The following TNKS variants were observed in gnomAD, a reference collection of about 807,000 sequenced individuals.
The protein encoded by TNKS is tankyrase, also known as poly [ADP-ribose] polymerase tankyrase-1.
A neutral mutation model predicts 135.8 loss-of-function variants in TNKS; 72 were observed. The ratio of observed to expected loss-of-function variants is 0.53; its 90% CI spans 0.44 to 0.64. TNKS has a LOEUF of 0.64. Among genes scored for constraint, TNKS ranks in the 30% least tolerant of loss-of-function variants. The probability of loss-of-function intolerance (pLI) is 0.00; values close to 1 mark genes in which losing one functional copy is unlikely to be tolerated. For missense variants in TNKS, 1,769 were observed against 1,674.0 expected, an observed-to-expected ratio of 1.06 and a Z score of -0.99; for synonymous variants, 849 against 649.3, an observed-to-expected ratio of 1.31 and a Z score of -4.68.
chr8:9,602,396 G>A (rs1206369734), intron 2 of TNKS, among the ~76,000 whole-genome samples: 3 of 152,208 alleles, frequency 2.0e-5, no homozygotes, highest in Non-Finnish European at 4.4e-5. Flanking sequence ...GCCAGTAGAA[G>A]AGAGAGAGGC....
intron 26 of TNKS, 144 bp downstream of exon 26, chr8:9,770,406 T>C: frequency 2.1e-6 from 2 of 945,298 alleles, no homozygotes; most frequent in Non-Finnish European, 3.0e-6. Context: ...AAAATAAAGG[T>C]ATCAAAATAA....
Position 9,766,333 on chromosome 8 carries a change from A to G in TNKS, c.3648A>G (p.Glu1216=), listed in dbSNP as rs754305452. The G allele has an allele frequency of 2.5e-6, 4 of 1,613,968 alleles. No homozygotes were observed. The Admixed American group carries it at 6.7e-5, about 27-fold the overall frequency. Reference sequence around the variant, plus strand: ...TTGGGGCCGGGATTTATTTTGCTGAAAACTCCTCAAAAAGCAACCAATATG... The same window carrying G: ...TTGGGGCCGGGATTTATTTTGCTGAGAACTCCTCAAAAAGCAACCAATATG... The part of the protein sequence containing the change: ...GMFGAGIYFA[E]NSSKSNQYVY... Residue 1216 remains glutamate, a synonymous_variant, in exon 25 of 27, where the codon GAA becomes GAG. Transcript: ENST00000310430.
chr8:9,742,519 A>G (rs773785703), intron 17 of TNKS, among the ~76,000 whole-genome samples: 1 of 151,610 alleles, frequency 6.6e-6, no homozygotes, highest in Non-Finnish European at 1.5e-5. Context: ...TTAGTAACCA[A>G]TCAGTAACCA....
rs2128847975 is a variant in TNKS, at chr8:9,781,440, GA to G, written c.*4708del. On this transcript the variant is annotated 3_prime_UTR_variant, in exon 27 of 27. Transcript: ENST00000310430. ...TCCCAAAGTTCAGGATGAAAGGCTA[GA>G]AAACCCATTCAAAGTTAGGAAAGAA... 6.6e-6 allele frequency: 1 copy of G among 152,288 alleles called. No homozygotes were observed. Among genetic ancestry groups the G allele is most frequent in the South Asian group, 2.1e-4 (1 of 4,828 alleles). The allele number at this position is 152,288 out of a possible 1,614,324, so 9.4% of individuals were successfully genotyped here. A position where few individuals can be genotyped will look rare whatever the true frequency, so the allele number is the denominator to read the frequency against.
chr8:9,770,051 A>G, intron 25 of TNKS, 55 bp from the exon 26 acceptor site: 2 of 1,502,784 alleles, frequency 1.3e-6, no homozygotes, highest in African/African-American at 1.4e-5. Context: ...TAGCAGTTAT[A>G]TTATTGTAAG....
intron 26 of TNKS, among the ~76,000 whole-genome samples, chr8:9,773,148 ACTT>A (rs370339746): frequency 0.012 from 1,833 of 152,032 alleles, 35 homozygotes; most frequent in African/African-American, 0.041. Context: ...CAGTAATTAT[ACTT>A]CTTCTAGAAA....
chr8:9,591,969 G>A (rs1190307079), intron 2 of TNKS, among the ~76,000 whole-genome samples: 1 of 152,064 alleles, frequency 6.6e-6, no homozygotes, highest in African/African-American at 2.4e-5. Context: ...ACTTGCTTAG[G>A]ATATATTTTT....
chr8:9,577,299 A>C (rs1386965293), intron 1 of TNKS, among the ~76,000 whole-genome samples: 1 of 152,170 alleles, frequency 6.6e-6, no homozygotes, highest in Admixed American at 6.5e-5. Context: ...TGTACAAGGA[A>C]ATTTATTTTG....
intron 9 of TNKS, among the ~76,000 whole-genome samples, chr8:9,709,249 C>T (rs936097467): frequency 6.6e-6 from 1 of 152,170 alleles, no homozygotes; most frequent in Admixed American, 6.5e-5. Context: ...TATATGTACA[C>T]TTAAATACAT....
intron 3 of TNKS, among the ~76,000 whole-genome samples, chr8:9,660,567 G>T (rs1801654330): frequency 6.6e-6 from 1 of 152,136 alleles, no homozygotes; most frequent in African/African-American, 2.4e-5. Flanking sequence ...CATTAAATTA[G>T]GTATTGATGG....
intron 2 of TNKS, among the ~76,000 whole-genome samples, chr8:9,586,085 C>T (rs975246126): frequency 4.6e-5 from 7 of 152,090 alleles, no homozygotes; most frequent in African/African-American, 1.4e-4. Flanking sequence ...TTAGAAAGTA[C>T]ATGCTCATTA....
intron 3 of TNKS, among the ~76,000 whole-genome samples, chr8:9,647,333 C>T (rs563280671): frequency 6.6e-6 from 1 of 152,000 alleles, no homozygotes; most frequent in African/African-American, 2.4e-5. Flanking sequence ...GGATTTTGCC[C>T]CTTTTTGTTT....
chr8:9,712,156 A>G (rs1009321580), intron 11 of TNKS, among the ~76,000 whole-genome samples: 8 of 152,326 alleles, frequency 5.3e-5, no homozygotes, highest in African/African-American at 1.9e-4. Flanking sequence ...TGCAACTAAT[A>G]TAGCCATTCA....
At chr8:9,731,529 A>C (rs577414249) in intron 14 of TNKS, among the ~76,000 whole-genome samples, 1 of 149,956 alleles carries the variant, frequency 6.7e-6, no homozygotes, top group Non-Finnish European at 1.5e-5. Context: ...CTGTCAGCCC[A>C]CCTCCTGCTC....
chr8:9,645,267 T>C (rs955090342), intron 3 of TNKS, among the ~76,000 whole-genome samples: 2 of 152,078 alleles, frequency 1.3e-5, no homozygotes, highest in African/African-American at 4.8e-5. Flanking sequence ...GGAGAAGACA[T>C]GGTCTCTCCA....
intron 1 of TNKS, among the ~76,000 whole-genome samples, chr8:9,579,165 A>C (rs1798069945): frequency 6.6e-6 from 1 of 152,218 alleles, no homozygotes; most frequent in Non-Finnish European, 1.5e-5. Context: ...TACTTCTTAT[A>C]AAATTCTGGT....
At chr8:9,677,414 T>A (rs1199593208) in intron 3 of TNKS, among the ~76,000 whole-genome samples, 2 of 152,194 alleles carry the variant, frequency 1.3e-5, no homozygotes, top group African/African-American at 4.8e-5. Flanking sequence ...AGGGAGAGAC[T>A]GATTTGAACT....
intron 3 of TNKS, among the ~76,000 whole-genome samples, chr8:9,655,090 A>G (rs1488218595): frequency 6.6e-6 from 1 of 152,154 alleles, no homozygotes; most frequent in Admixed American, 6.5e-5. Flanking sequence ...ACACCAGGAG[A>G]TTATATCCTG....
chr8:9,701,585 C>T (rs189822917), intron 5 of TNKS, among the ~76,000 whole-genome samples: 90 of 152,278 alleles, frequency 5.9e-4, no homozygotes, highest in Non-Finnish European at 2.4e-4. Context: ...ACCTTGCTTC[C>T]TGAAACTCTG....
Sources: allele counts gnomAD v4.1 joint callset (sites outside exome capture counted in the v4.1 genomes callset), GRCh38; gene constraint gnomAD v4.1.1; transcripts MANE v1.5; gene names NCBI Gene and HGNC (gene_info 2026-07-23, HGNC 2026-07-21).